The following ATP8A2 variants were observed in gnomAD, a reference collection of about 807,000 sequenced individuals.
ATP8A2 encodes the protein phospholipid-transporting ATPase IB.
Under a neutral mutation model 165.6 loss-of-function variants are expected in ATP8A2, and 100 were observed. The ratio of observed to expected loss-of-function variants is 0.60; its 90% CI spans 0.51 to 0.71. ATP8A2 has a LOEUF of 0.71. ATP8A2 is among the 30% of genes least tolerant of loss of function. ATP8A2 has a pLI of 0.00. For synonymous variants in ATP8A2, 543 were observed against 548.8 expected, an observed-to-expected ratio of 0.99 and a Z score of 0.15; for missense variants, 1,227 against 1,479.5, an observed-to-expected ratio of 0.83 and a Z score of 2.80.
At position 25,740,048 on chromosome 13, in the gene ATP8A2, G is replaced by A. The variant is rs190740976; in HGVS notation, c.2385-28998G>A. 3.3e-4 allele frequency among the ~76,000 whole-genome samples: 50 copies of A among 152,276 alleles called. No homozygotes were observed. The East Asian group carries it at 5.8e-3, about 18-fold the overall frequency. ...AAGAGGGCTGGGCGCAGTGGCTCAC[G>A]CCTGTAATCCCAGCACTTTGGGAGG... On this transcript the variant is annotated intron_variant, in intron 25 of 36. Coordinates refer to ENST00000381655, the MANE Select transcript of ATP8A2 (RefSeq NM_016529.6).
chr13:25,663,682 C>T (rs766162201), intron 24 of ATP8A2, among the ~76,000 whole-genome samples: 3 of 152,174 alleles, frequency 2.0e-5, no homozygotes, highest in Non-Finnish European at 4.4e-5. Context: ...AAGCAATCTT[C>T]GACCTGATTA....
chr13:26,004,165 T>C (rs1956693718), intron 35 of ATP8A2, among the ~76,000 whole-genome samples: 1 of 152,176 alleles, frequency 6.6e-6, no homozygotes, highest in Non-Finnish European at 1.5e-5. Flanking sequence ...TAGCATCCCA[T>C]TTACTTGTAT....
chr13:25,815,160 A>G (rs11840337), intron 27 of ATP8A2, among the ~76,000 whole-genome samples: 26,588 of 152,240 alleles, frequency 0.17, 2,496 homozygotes, highest in Middle Eastern at 0.22. Context: ...TTACTTGAAC[A>G]CCAAAAATAT....
At chr13:25,912,196 A>G (rs1211008357) in intron 33 of ATP8A2, among the ~76,000 whole-genome samples, 2 of 113,100 alleles carry the variant, frequency 1.8e-5, no homozygotes, top group Admixed American at 1.8e-4. Context: ...ACACACACAC[A>G]GTGGAATAGT....
intron 2 of ATP8A2, among the ~76,000 whole-genome samples, chr13:25,496,704 T>C (rs544154934): frequency 1.3e-5 from 2 of 152,176 alleles, no homozygotes; most frequent in Admixed American, 6.5e-5. Context: ...TGATCTCTAA[T>C]AGCCCAGGAT....
At chr13:25,861,254 CAT>C (rs1381241625) in intron 32 of ATP8A2, among the ~76,000 whole-genome samples, 2 of 151,888 alleles carry the variant, frequency 1.3e-5, no homozygotes, top group East Asian at 3.9e-4. Context: ...TCTATGTCTG[CAT>C]GTGTGTGTAT....
chr13:25,990,706 T>C (rs1956373142), intron 35 of ATP8A2, among the ~76,000 whole-genome samples: 1 of 152,242 alleles, frequency 6.6e-6, no homozygotes, highest in African/African-American at 2.4e-5. Flanking sequence ...AACAGAACTT[T>C]CTGCTTATAA....
At chr13:25,549,213 A>G (rs1256306798) in intron 10 of ATP8A2, among the ~76,000 whole-genome samples, 1 of 152,028 alleles carries the variant, frequency 6.6e-6, no homozygotes, top group Non-Finnish European at 1.5e-5. Context: ...TAATCCCACC[A>G]CTTTGGGAGG....
chr13:25,393,883 C>T (rs2033333299), intron 1 of ATP8A2, among the ~76,000 whole-genome samples: 1 of 152,176 alleles, frequency 6.6e-6, no homozygotes, highest in Non-Finnish European at 1.5e-5. Flanking sequence ...AGTTCTGCAT[C>T]AGGTAGACTG....
intron 30 of ATP8A2, among the ~76,000 whole-genome samples, chr13:25,859,202 A>AAAAACAAAAC (rs538198944): frequency 1.3e-5 from 2 of 151,938 alleles, no homozygotes; most frequent in African/African-American, 2.4e-5. Context: ...ACTCTGTCTC[A>AAAAACAAAAC]AAAACAAAAC....
At chr13:25,838,509 GAAGT>G (rs947118033) in intron 29 of ATP8A2, among the ~76,000 whole-genome samples, 2 of 151,782 alleles carry the variant, frequency 1.3e-5, no homozygotes, top group Non-Finnish European at 2.9e-5. Context: ...TTTGAGGTGG[GAAGT>G]AAGTAAGAGC....
intron 2 of ATP8A2, among the ~76,000 whole-genome samples, chr13:25,489,228 C>T (rs991090826): frequency 4.6e-5 from 7 of 152,096 alleles, no homozygotes; most frequent in African/African-American, 7.2e-5. Flanking sequence ...AGGCCACTCT[C>T]GTTCTATTCC....
chr13:25,661,570 G>C (rs950813379), intron 24 of ATP8A2, among the ~76,000 whole-genome samples: 8 of 152,118 alleles, frequency 5.3e-5, no homozygotes, highest in African/African-American at 1.9e-4. Flanking sequence ...TAAGTAAAGG[G>C]TGAGAAAAAG....
chr13:25,738,380 G>C (rs547998672), intron 25 of ATP8A2, among the ~76,000 whole-genome samples: 16 of 136,538 alleles, frequency 1.2e-4, no homozygotes, highest in African/African-American at 4.3e-4. Flanking sequence ...AGTTGCTGTA[G>C]TTTAATCTTT....
intron 1 of ATP8A2, among the ~76,000 whole-genome samples, chr13:25,413,742 G>A (rs1477368396): frequency 6.6e-6 from 1 of 152,154 alleles, no homozygotes. Flanking sequence ...AGGCCAAGGA[G>A]GTGCAGGACA....
At chr13:25,505,411 G>C (rs1428481579) in intron 2 of ATP8A2, among the ~76,000 whole-genome samples, 1 of 151,980 alleles carries the variant, frequency 6.6e-6, no homozygotes, top group East Asian at 1.9e-4. Flanking sequence ...TAGTTTTAAA[G>C]TCTGATTAGT....
At chr13:25,615,751 G>A (rs567651868) in intron 24 of ATP8A2, among the ~76,000 whole-genome samples, 3 of 151,998 alleles carry the variant, frequency 2.0e-5, no homozygotes, top group South Asian at 2.1e-4. Context: ...TGTGTTTTTC[G>A]CTCAGCTCTC....
intron 25 of ATP8A2, among the ~76,000 whole-genome samples, chr13:25,730,493 G>C (rs962722982): frequency 7.9e-5 from 12 of 152,114 alleles, no homozygotes; most frequent in Non-Finnish European, 1.6e-4. Context: ...ATGTGAACTA[G>C]AGCTCATAGG....
intron 36 of ATP8A2, among the ~76,000 whole-genome samples, chr13:26,015,026 C>T (rs549255848): frequency 4.6e-5 from 7 of 151,966 alleles, no homozygotes; most frequent in Admixed American, 2.6e-4. Context: ...AGAATATACA[C>T]GATATATATG....
Sources: allele counts gnomAD v4.1 joint callset (sites outside exome capture counted in the v4.1 genomes callset), GRCh38; gene constraint gnomAD v4.1.1; transcripts MANE v1.5; gene names NCBI Gene and HGNC (gene_info 2026-07-23, HGNC 2026-07-21).